Variants in CMTM8 observed in about 807,000 individuals in gnomAD.
CMTM8 encodes CKLF-like MARVEL transmembrane domain-containing protein 8.
Under a neutral mutation model 18.6 loss-of-function variants are expected in CMTM8, and 12 were observed. The observed-to-expected ratio is 0.65, with a 90% CI of 0.41 to 1.05. The LOEUF (loss-of-function observed/expected upper bound fraction) is 1.05. Among genes scored for constraint, CMTM8 ranks in the 50% least tolerant of loss-of-function variants. The pLI is 0.00. For missense variants in CMTM8, 217 were observed against 227.2 expected (o/e 0.95, Z 0.29); for synonymous variants, 87 against 90.6 (o/e 0.96, Z 0.23).
intron 2 of CMTM8, among the ~76,000 whole-genome samples, chr3:32,361,947 G>T (rs985659349): frequency 3.9e-4 from 60 of 152,036 alleles, no homozygotes; most frequent in Non-Finnish European, 2.9e-4. Context: ...TTCGTCCTCT[G>T]TAGCTCATCC....
At chr3:32,288,741 A>T (rs191434953) in intron 1 of CMTM8, among the ~76,000 whole-genome samples, 2 of 152,142 alleles carry the variant, frequency 1.3e-5, no homozygotes, top group African/African-American at 4.8e-5. Flanking sequence ...ACCTCGTGAT[A>T]TGCCCGCCTT....
chr3:32,313,390 G>A (rs1695858932), intron 1 of CMTM8, among the ~76,000 whole-genome samples: 1 of 152,076 alleles, frequency 6.6e-6, no homozygotes, highest in Admixed American at 6.6e-5. Context: ...AGTCAGTGAG[G>A]TGGAGAGCCT....
chr3:32,278,282 A>G (rs1055402579), intron 1 of CMTM8, among the ~76,000 whole-genome samples: 3 of 152,222 alleles, frequency 2.0e-5, no homozygotes, highest in Non-Finnish European at 2.9e-5. Flanking sequence ...GTCCTCATCT[A>G]CGTGGCCATG....
chr3:32,275,345 C>T (rs953913980), intron 1 of CMTM8, among the ~76,000 whole-genome samples: 1 of 152,178 alleles, frequency 6.6e-6, no homozygotes, highest in East Asian at 1.9e-4. Flanking sequence ...TGGAGACAAA[C>T]AGACTTGGCT....
intron 1 of CMTM8, among the ~76,000 whole-genome samples, chr3:32,257,709 A>C (rs1399434821): frequency 6.6e-6 from 1 of 151,992 alleles, no homozygotes; most frequent in Non-Finnish European, 1.5e-5. Context: ...CCGAGAGACC[A>C]CTTCTGCTTG....
At chr3:32,249,063 C>T (rs780032823) in intron 1 of CMTM8, among the ~76,000 whole-genome samples, 6 of 56,432 alleles carry the variant, frequency 1.1e-4, no homozygotes, top group Admixed American at 2.7e-4. Flanking sequence ...TTTTTTGATA[C>T]GGAGTCTCAC....
At chr3:32,326,179 G>A (rs191041785) in intron 1 of CMTM8, among the ~76,000 whole-genome samples, 146 of 152,308 alleles carry the variant, frequency 9.6e-4, no homozygotes, top group Middle Eastern at 3.4e-3. Context: ...CGTCACACTC[G>A]ATCGCATGAC....
intron 1 of CMTM8, among the ~76,000 whole-genome samples, chr3:32,274,896 A>G (rs1485017035): frequency 6.6e-6 from 1 of 152,182 alleles, no homozygotes; most frequent in East Asian, 1.9e-4. Context: ...GATTCAGGTT[A>G]TGTGTTGTTG....
intron 1 of CMTM8, among the ~76,000 whole-genome samples, chr3:32,294,884 A>G (rs917924520): frequency 1.2e-4 from 18 of 151,952 alleles, no homozygotes; most frequent in African/African-American, 3.6e-4. Flanking sequence ...GTGAAACCCC[A>G]TCTCTACTAA....
intron 1 of CMTM8, chr3:32,259,165 G>T (rs1194982198): frequency 8.9e-6 from 4 of 447,390 alleles, no homozygotes; most frequent in Non-Finnish European, 1.7e-5. Flanking sequence ...CAGGGGTCTG[G>T]CAGAAATGGG....
chr3:32,291,277 C>T (rs1020382848), intron 1 of CMTM8, among the ~76,000 whole-genome samples: 13 of 152,000 alleles, frequency 8.6e-5, no homozygotes, highest in African/African-American at 1.9e-4. Flanking sequence ...TACAGGTGCC[C>T]GCCACCACAT....
At chr3:32,299,616 G>A (rs1695574613) in intron 1 of CMTM8, among the ~76,000 whole-genome samples, 1 of 152,062 alleles carries the variant, frequency 6.6e-6, no homozygotes, top group Admixed American at 6.6e-5. Flanking sequence ...TTTATCCTTT[G>A]AGTTACAAAT....
chr3:32,259,561 G>A (rs1208538101), intron 1 of CMTM8: 12 of 840,374 alleles, frequency 1.4e-5, no homozygotes, highest in South Asian at 2.6e-5. Context: ...CTCTCAAGAA[G>A]GAACTGCTCT....
intron 2 of CMTM8, 81 bp from the exon 3 acceptor site, chr3:32,367,791 T>G: frequency 1.1e-6 from 1 of 925,356 alleles, no homozygotes; most frequent in Non-Finnish European, 1.7e-6. Flanking sequence ...ACACCAGAGG[T>G]ACAGCCCTCA....
intron 1 of CMTM8, among the ~76,000 whole-genome samples, chr3:32,356,525 G>A (rs147984671): frequency 4.9e-4 from 74 of 152,306 alleles, no homozygotes; most frequent in Middle Eastern, 3.4e-3. Context: ...GGTCTTACTT[G>A]TCAGCAGTTG....
Position 32,239,017 on chromosome 3 carries a change from C to T in CMTM8, c.45C>T (p.Thr15=). The T allele has an allele frequency of 6.4e-7, 1 of 1,566,358 alleles. No individual in the cohort carries two copies. Among genetic ancestry groups the T allele is most frequent in the South Asian group, 1.2e-5 (1 of 84,958 alleles). Residue 15 remains threonine (T), a synonymous_variant, in exon 1 of 4, where the codon ACC becomes ACT. Transcript: ENST00000307526. ...QRARSHTVTT[T]ASSFAENFST... ...CCCGCTCGCACACAGTCACCACCACCGCCAGCTCCTTCGCAGAGAACTTCT... is the reference window on the plus strand; with the variant it reads ...CCCGCTCGCACACAGTCACCACCACTGCCAGCTCCTTCGCAGAGAACTTCT...
chr3:32,306,162 A>G (rs1340873854), intron 1 of CMTM8, among the ~76,000 whole-genome samples: 1 of 152,152 alleles, frequency 6.6e-6, no homozygotes, highest in African/African-American at 2.4e-5. Flanking sequence ...GGTGTCACTC[A>G]TTCATCTGTG....
chr3:32,327,321 C>G (rs1239547119), intron 1 of CMTM8, among the ~76,000 whole-genome samples: 1 of 152,118 alleles, frequency 6.6e-6, no homozygotes, highest in African/African-American at 2.4e-5. Context: ...AAAAAAATCC[C>G]TTAAAATGTT....
At chr3:32,251,902 C>G (rs1420423146) in intron 1 of CMTM8, among the ~76,000 whole-genome samples, 1 of 151,568 alleles carries the variant, frequency 6.6e-6, no homozygotes, top group African/African-American at 2.4e-5. Context: ...CTAGTCTGGG[C>G]AACATGATGA....
Sources: gnomAD v4.1 joint callset for allele counts (sites outside exome capture counted in the v4.1 genomes callset) on GRCh38, gnomAD v4.1.1 for gene constraint, MANE v1.5 for transcripts, NCBI Gene and HGNC (gene_info 2026-07-23, HGNC 2026-07-21) for gene names.